TIMM50: variants seen among roughly 807,000 people sequenced by gnomAD.
TIMM50 encodes mitochondrial import inner membrane translocase subunit TIM50.
A neutral mutation model predicts 49.6 loss-of-function variants in TIMM50; 34 were observed. That is an observed-to-expected ratio of 0.69 (90% CI 0.52 to 0.91). TIMM50 has a LOEUF of 0.91. Among genes scored for constraint, TIMM50 ranks in the 40% least tolerant of loss-of-function variants. The pLI is 0.00. For missense variants in TIMM50, 458 were observed against 477.8 expected (o/e 0.96, Z 0.39); for synonymous variants, 199 against 198.4 (o/e 1.00, Z -0.03).
chr19:39,481,107 C>G, intron 1 of TIMM50, 146 bp downstream of exon 1: 1 of 1,110,606 alleles, frequency 9.0e-7, no homozygotes, highest in Non-Finnish European at 1.2e-6. Context: ...TCCCAACCTC[C>G]TGGGTGGTTG....
At chr19:39,485,476 C>A (rs1274996037) in intron 4 of TIMM50, 68 bp from the exon 5 acceptor site, 1 of 1,596,156 alleles carries the variant, frequency 6.3e-7, no homozygotes, top group Non-Finnish European at 8.6e-7. Context: ...GATAAGAAAC[C>A]CCTGGTTTGT....
chr19:39,489,913 C>A lies in TIMM50; in HGVS notation c.*93C>A. On this transcript the variant is annotated 3_prime_UTR_variant, in exon 11 of 11. Transcript: ENST00000607714. ...CACCACTTGTCCAATAAAGTACATCCCAGACGCCACACCTGCTGTGTCCCG... is the reference window on the plus strand; with the variant it reads ...CACCACTTGTCCAATAAAGTACATCACAGACGCCACACCTGCTGTGTCCCG... 1.7e-6 allele frequency: 2 copies of A among 1,183,480 alleles called. No individual in the cohort carries two copies. Among genetic ancestry groups the A allele is most frequent in the Non-Finnish European group, 2.4e-6 (2 of 816,432 alleles). The allele number at this position is 1,183,480 out of a possible 1,614,324, so 73.3% of individuals were successfully genotyped here.
intron 10 of TIMM50, among the ~76,000 whole-genome samples, chr19:39,489,510 C>T (rs1359785474): frequency 6.6e-6 from 1 of 152,034 alleles, no homozygotes; most frequent in Non-Finnish European, 1.5e-5. Context: ...TCAGAGCTGG[C>T]TCTTCCTAGT....
Position 39,486,187 on chromosome 19 carries a change from C to T in TIMM50, c.493C>T (p.Leu165=). ...TGVLLHPEWS[L]ATGWRFKKRP... is the part of the protein sequence containing the mutation. ...TTCACTGTCCTCACTGTCTTCCCAGCTGGCCACTGGCTGGAGGTTTAAGAA... is the reference window on the plus strand; with the variant it reads ...TTCACTGTCCTCACTGTCTTCCCAGTTGGCCACTGGCTGGAGGTTTAAGAA... Residue 165 remains leucine (L), a splice_region_variant and synonymous_variant, in exon 7 of 11, where the codon CTG becomes TTG. Coordinates refer to ENST00000607714, the MANE Select transcript of TIMM50 (RefSeq NM_001001563.5). The T allele has an allele frequency of 6.2e-7, 1 of 1,614,128 alleles. No individual in the cohort carries two copies. The highest frequency in any genetic ancestry group is 8.5e-7 in the Non-Finnish European group (1 of 1,179,984).
Position 39,488,594 on chromosome 19 carries a change from G to A in TIMM50, c.909G>A (p.Leu303=), listed in dbSNP as rs1449468360. Residue 303 remains leucine, a synonymous_variant, in exon 10 of 11, where the codon CTG becomes CTA. Coordinates refer to ENST00000607714, the MANE Select transcript of TIMM50 (RefSeq NM_001001563.5). ...GAACCGTGCTGGAGCACTATGCCCT[G>A]GAGGATGACCCGCTGGCGGCTTTCA... ...DVRTVLEHYA[L]EDDPLAAFKQ... is the part of the protein sequence containing the mutation. The A allele has an allele frequency of 1.2e-5, 20 of 1,613,606 alleles. No homozygotes were observed. The highest frequency in any genetic ancestry group is 1.6e-5 in the Non-Finnish European group (19 of 1,180,030).
At chr19:39,483,974 C>T (rs2079488836) in intron 4 of TIMM50, among the ~76,000 whole-genome samples, 1 of 152,128 alleles carries the variant, frequency 6.6e-6, no homozygotes, top group Non-Finnish European at 1.5e-5. Flanking sequence ...GTGCCTCAGC[C>T]TCCCGAGTAG....
intron 10 of TIMM50, 35 bp from the exon 11 acceptor site, chr19:39,489,684 G>A (rs974490083): frequency 5.7e-6 from 9 of 1,566,976 alleles, no homozygotes; most frequent in African/African-American, 1.3e-5. Flanking sequence ...TCCACCTTGC[G>A]CTGACCCTCT....
rs1433208514 is a variant in TIMM50, at chr19:39,491,954, C to T, written c.*2134C>T. 6.6e-6 allele frequency: 1 copy of T among 150,554 alleles called. No individual in the cohort carries two copies. The highest frequency in any genetic ancestry group is 1.5e-5 in the Non-Finnish European group (1 of 67,782). 9.3% of individuals were successfully genotyped at this position (150,554 alleles called of 1,614,324 possible). On this transcript the variant is annotated 3_prime_UTR_variant, in exon 11 of 11. Coordinates refer to ENST00000607714, the MANE Select transcript of TIMM50 (RefSeq NM_001001563.5). ...GCAGTGTTGAACTTCTGGGCTCAAA[C>T]AATCTTCCTGCCTTGGCCTCCCCAA... is the stretch of plus-strand genomic sequence containing the variant.
rs2079534579 is a variant in TIMM50 at position 39,489,993 on chromosome 19, CCA to C, written c.*176_*177del. The C allele has an allele frequency of 9.4e-6, 6 of 637,686 alleles. No individual in the cohort carries two copies. The South Asian group carries it at 1.2e-4, about 13-fold the overall frequency. The allele number at this position is 637,686 out of a possible 1,614,324, so 39.5% of individuals were successfully genotyped here. On this transcript the variant is annotated 3_prime_UTR_variant, in exon 11 of 11. Transcript: ENST00000607714. ...GGTCCGGGACTCTTGGGTCATCGTCCCACAGTGGCTGATCGGCTGCCAAGCAC... is the reference window on the plus strand; with the variant it reads ...GGTCCGGGACTCTTGGGTCATCGTCCCAGTGGCTGATCGGCTGCCAAGCAC...
rs1269185717 is a variant in TIMM50 at position 39,483,123 on chromosome 19, T to C, written c.292-12T>C. The C allele has an allele frequency of 6.2e-7, 1 of 1,614,086 alleles. No individual in the cohort carries two copies. The highest frequency in any genetic ancestry group is 1.3e-5 in the African/African-American group (1 of 74,914). On this transcript the variant is annotated splice_polypyrimidine_tract_variant and intron_variant, in intron 3 of 10. Coordinates refer to ENST00000607714, the MANE Select transcript of TIMM50 (RefSeq NM_001001563.5). ...ACATCCTAAACCTTCCATTTTTCTC[T>C]CTACCTCCCAGATTCCTGATGAGTT...
chr19:39,481,270 A>G (rs1279321738), intron 1 of TIMM50: 8 of 433,264 alleles, frequency 1.8e-5, no homozygotes, highest in Non-Finnish European at 3.3e-5. Context: ...CTGGAGTCCC[A>G]GTCTGGCCGT....
rs2079540377 is a variant in TIMM50 at position 39,490,843 on chromosome 19, A to G, written c.*1023A>G. ...TCAAGACCAGCCTCAACATGGAGAA[A>G]CCCCATCTCTACTAAAAATACAAAA... On this transcript the variant is annotated 3_prime_UTR_variant, in exon 11 of 11. Coordinates refer to ENST00000607714, the MANE Select transcript of TIMM50 (RefSeq NM_001001563.5). The G allele has an allele frequency of 6.6e-6, 1 of 151,726 alleles. No individual in the cohort carries two copies. Among genetic ancestry groups the G allele is most frequent in the Non-Finnish European group, 1.5e-5 (1 of 68,006 alleles). 9.4% of individuals were successfully genotyped at this position (151,726 alleles called of 1,614,324 possible).
chr19:39,485,707 G>A lies in TIMM50; in HGVS notation c.392G>A (p.Ser131Asn). The part of the protein sequence containing the change: ...DYRQMIIEPT[S>N]PCLLPDPLQE... ...CCACAGATGATCATCGAGCCCACCA[G>A]CCCTTGCCTTCTCCCAGACCCTCTG... is the stretch of plus-strand genomic sequence containing the variant. Residue 131 changes from serine (S) to asparagine (N), a missense_variant, in exon 6 of 11, where the codon AGC becomes AAC. Transcript: ENST00000607714. The A allele has an allele frequency of 1.2e-6, 2 of 1,614,088 alleles. No individual in the cohort carries two copies. Among genetic ancestry groups the A allele is most frequent in the South Asian group, 2.2e-5 (2 of 91,088 alleles).
At chr19:39,488,343 T>C in intron 9 of TIMM50, 126 bp downstream of exon 9, 1 of 1,227,250 alleles carries the variant, frequency 8.1e-7, no homozygotes, top group Non-Finnish European at 1.2e-6. Flanking sequence ...CTTGGAGTCT[T>C]TAGGAGCTTC....
intron 7 of TIMM50, 53 bp downstream of exon 7, chr19:39,486,344 T>C: frequency 1.2e-6 from 2 of 1,613,028 alleles, no homozygotes; most frequent in African/African-American, 1.3e-5. Context: ...GGCGTAGAGA[T>C]CTGGAGGACC....
intron 8 of TIMM50, among the ~76,000 whole-genome samples, chr19:39,486,903 G>A (rs1219786779): frequency 3.3e-5 from 5 of 152,176 alleles, no homozygotes; most frequent in Non-Finnish European, 5.9e-5. Context: ...CCGGATCTGC[G>A]AATGGGCCTC....
At position 39,489,892 on chromosome 19, in the gene TIMM50, A is replaced by C. The variant is rs1307966408; in HGVS notation, c.*72A>C. On this transcript the variant is annotated 3_prime_UTR_variant, in exon 11 of 11. Coordinates refer to ENST00000607714, the MANE Select transcript of TIMM50 (RefSeq NM_001001563.5). ...CTTCCAGACCAAGACTTGGGCCACC[A>C]CTTGTCCAATAAAGTACATCCCAGA... The C allele has an allele frequency of 4.2e-6, 6 of 1,413,236 alleles. No homozygotes were observed. The highest frequency in any genetic ancestry group is 2.9e-6 in the Non-Finnish European group (3 of 1,019,616). The allele number at this position is 1,413,236 out of a possible 1,614,324, so 87.5% of individuals were successfully genotyped here. A position where few individuals can be genotyped will look rare whatever the true frequency, so the allele number is the denominator to read the frequency against.
Position 39,493,122 on chromosome 19 carries a change from G to C in TIMM50, c.*3302G>C, listed in dbSNP as rs1304266857. ...TTTTTTTTTTTGAAGCCTCTACAAA[G>C]GATAATTAAAATTTACACCATGACT... On this transcript the variant is annotated 3_prime_UTR_variant, in exon 11 of 11. Transcript: ENST00000607714. The C allele has an allele frequency of 6.6e-6, 1 of 151,516 alleles. No homozygotes were observed. The highest frequency in any genetic ancestry group is 1.9e-4 in the East Asian group (1 of 5,180). 9.4% of individuals were successfully genotyped at this position (151,516 alleles called of 1,614,324 possible). A position where few individuals can be genotyped will look rare whatever the true frequency, so the allele number is the denominator to read the frequency against.
intron 2 of TIMM50, 69 bp from the exon 3 acceptor site, chr19:39,482,816 C>T: frequency 6.2e-7 from 1 of 1,603,332 alleles, no homozygotes; most frequent in Non-Finnish European, 8.5e-7. Context: ...GGCCCCTTAT[C>T]CCACTCCTCC....
Sources: gnomAD v4.1 joint callset for allele counts (sites outside exome capture counted in the v4.1 genomes callset) on GRCh38, gnomAD v4.1.1 for gene constraint, MANE v1.5 for transcripts, NCBI Gene and HGNC (gene_info 2026-07-23, HGNC 2026-07-21) for gene names.